The following CSMD1 variants were observed in gnomAD, a reference collection of about 807,000 sequenced individuals.
The protein encoded by CSMD1 is CUB and Sushi multiple domains 1, also known as CUB and sushi domain-containing protein 1.
A neutral mutation model predicts 417.5 loss-of-function variants in CSMD1; 213 were observed. The observed-to-expected ratio is 0.51, with a 90% confidence interval of 0.46 to 0.57. The LOEUF (loss-of-function observed/expected upper bound fraction) is 0.57, where lower values mean the gene tolerates loss of function less well. Ranked by LOEUF, CSMD1 falls within the 20% of genes least tolerant of loss-of-function variation. The pLI is 0.00. For synonymous variants in CSMD1, 2,862 were observed against 1,736.8 expected (o/e 1.65, Z -16.11); for missense variants, 6,923 against 4,529.7 (o/e 1.53, Z -15.17).
chr8:4,327,860 T>C lies in CSMD1; in HGVS notation c.415+92093A>G, dbSNP rs560627071. 1.5e-4 allele frequency among the ~76,000 whole-genome samples: 23 copies of C among 152,348 alleles called. 1 individual carries two copies. Among genetic ancestry groups the C allele is most frequent in the Admixed American group, 3.9e-4 (6 of 15,294 alleles). On this transcript the variant is annotated intron_variant, in intron 3 of 69. Transcript: ENST00000635120. The stretch of plus-strand genomic sequence containing the variant: ...TTTTTGTTTGAAAGATGACACATTT[T>C]GTAAAACAAAAAACTTTAAAATCTT...
chr8:4,474,620 C>A (rs2130078703), intron 2 of CSMD1, among the ~76,000 whole-genome samples: 1 of 152,268 alleles, frequency 6.6e-6, no homozygotes, highest in South Asian at 2.1e-4. Flanking sequence ...GTAACCCATT[C>A]CTGGGTGCCC....
chr8:4,262,118 T>C (rs1226527732), intron 3 of CSMD1, among the ~76,000 whole-genome samples: 2 of 152,212 alleles, frequency 1.3e-5, no homozygotes, highest in African/African-American at 4.8e-5. Context: ...CTCTTTCCTA[T>C]AGAGAATTGT....
chr8:3,836,321 G>C (rs989684519), intron 5 of CSMD1, among the ~76,000 whole-genome samples: 1 of 152,032 alleles, frequency 6.6e-6, no homozygotes, highest in Non-Finnish European at 1.5e-5. Context: ...TGCCAGTTTT[G>C]GGTTTACTTG....
intron 1 of CSMD1, among the ~76,000 whole-genome samples, chr8:4,706,804 G>A (rs1807972245): frequency 6.6e-6 from 1 of 152,340 alleles, no homozygotes; most frequent in Non-Finnish European, 1.5e-5. Context: ...GACAGTGCTT[G>A]ACTTGTGTCA....
chr8:4,893,942 T>C (rs1365839620), intron 1 of CSMD1, among the ~76,000 whole-genome samples: 1 of 152,152 alleles, frequency 6.6e-6, no homozygotes, highest in Non-Finnish European at 1.5e-5. Flanking sequence ...GTTTAAATGT[T>C]GTAAAGCTTT....
rs1563224087 is a variant in CSMD1, at chr8:4,486,210, T to TATATATATATATATACATAC, written c.303-66165_303-66146dup. 9.8e-4 allele frequency among the ~76,000 whole-genome samples: 22 copies of TATATATATATATATACATAC among 22,492 alleles called. 3 individuals carry two copies. Among genetic ancestry groups the TATATATATATATATACATAC allele is most frequent in the Non-Finnish European group, 6.0e-4 (7 of 11,578 alleles). The allele number at this position is 22,492 out of a possible 152,430, so 14.8% of individuals were successfully genotyped here. On this transcript the variant is annotated intron_variant, in intron 2 of 69. Coordinates refer to ENST00000635120, the MANE Select transcript of CSMD1 (RefSeq NM_033225.6). Reference sequence around the variant, plus strand: ...ATATATATATATATACATACATATATATATATATATATATACATACATATA... The same window carrying TATATATATATATATACATAC: ...ATATATATATATATACATACATATATATATATATATATATACATACATATATATATATATACATACATATA...
At chr8:4,922,104 G>C (rs1212708196) in intron 1 of CSMD1, among the ~76,000 whole-genome samples, 2 of 152,160 alleles carry the variant, frequency 1.3e-5, no homozygotes, top group Admixed American at 6.5e-5. Context: ...GATCCAGGAA[G>C]TCACTCTGGT....
intron 5 of CSMD1, among the ~76,000 whole-genome samples, chr8:3,926,075 A>AT (rs1809664003): frequency 2.1e-4 from 5 of 24,214 alleles, no homozygotes; most frequent in African/African-American, 7.4e-4. Flanking sequence ...CACACACACA[A>AT]ACACCATACA....
At chr8:3,372,287 G>C (rs1176789318) in intron 18 of CSMD1, among the ~76,000 whole-genome samples, 1 of 152,116 alleles carries the variant, frequency 6.6e-6, no homozygotes, top group East Asian at 1.9e-4. Flanking sequence ...GGAGCTGCAG[G>C]GACAGGGAAC....
intron 3 of CSMD1, among the ~76,000 whole-genome samples, chr8:4,314,169 G>A (rs1159857889): frequency 6.6e-6 from 1 of 152,040 alleles, no homozygotes; most frequent in Non-Finnish European, 1.5e-5. Context: ...AGGCTTAAAA[G>A]CATCTCATTC....
chr8:4,680,966 G>C (rs1350074010), intron 1 of CSMD1, among the ~76,000 whole-genome samples: 1 of 120,842 alleles, frequency 8.3e-6, no homozygotes, highest in Non-Finnish European at 1.7e-5. Flanking sequence ...GTGTGTGTGT[G>C]TGTGTGTGTG....
intron 18 of CSMD1, among the ~76,000 whole-genome samples, chr8:3,377,433 G>C (rs1010784623): frequency 1.3e-5 from 2 of 151,988 alleles, no homozygotes; most frequent in African/African-American, 2.4e-5. Flanking sequence ...CATTTATATC[G>C]ACAGACAATA....
intron 5 of CSMD1, among the ~76,000 whole-genome samples, chr8:3,951,581 T>C (rs923762757): frequency 4.6e-5 from 7 of 152,052 alleles, no homozygotes; most frequent in African/African-American, 7.2e-5. Context: ...TGAATCATCA[T>C]AGAAAACAAC....
chr8:3,782,241 T>C (rs1408876104), intron 5 of CSMD1, among the ~76,000 whole-genome samples: 8 of 152,200 alleles, frequency 5.3e-5, no homozygotes, highest in African/African-American at 1.9e-4. Flanking sequence ...GTCACCAGGA[T>C]GTTAGTTTTG....
chr8:3,637,132 C>A (rs567702972), intron 7 of CSMD1, among the ~76,000 whole-genome samples: 2 of 152,148 alleles, frequency 1.3e-5, no homozygotes, highest in African/African-American at 4.8e-5. Flanking sequence ...TAAATTATCC[C>A]GTTTGTGCTA....
chr8:4,518,670 G>A (rs1803258435), intron 2 of CSMD1, among the ~76,000 whole-genome samples: 1 of 148,414 alleles, frequency 6.7e-6, no homozygotes, highest in Admixed American at 6.9e-5. Flanking sequence ...AATGCTAAAT[G>A]ACGAGTTAAC....
At chr8:4,960,124 T>C (rs1809381195) in intron 1 of CSMD1, among the ~76,000 whole-genome samples, 1 of 152,196 alleles carries the variant, frequency 6.6e-6, no homozygotes, top group South Asian at 2.1e-4. Context: ...AGGGATATAA[T>C]GTGCTCATTA....
chr8:4,840,053 T>C (rs1257034708), intron 1 of CSMD1, among the ~76,000 whole-genome samples: 1 of 112,932 alleles, frequency 8.9e-6, no homozygotes, highest in African/African-American at 3.1e-5. Context: ...AGCTATGGCT[T>C]TCCTCGGTGG....
intron 7 of CSMD1, among the ~76,000 whole-genome samples, chr8:3,656,118 G>T (rs555171739): frequency 1.3e-5 from 2 of 152,186 alleles, no homozygotes; most frequent in African/African-American, 4.8e-5. Context: ...CATGGGGTGC[G>T]CAGTGAACTC....
Sources: allele counts gnomAD v4.1 joint callset (sites outside exome capture counted in the v4.1 genomes callset), GRCh38; gene constraint gnomAD v4.1.1; transcripts MANE v1.5; gene names NCBI Gene and HGNC (gene_info 2026-07-23, HGNC 2026-07-21).